LRRC4B: variants seen among roughly 807,000 people sequenced by gnomAD.
LRRC4B encodes leucine-rich repeat-containing protein 4B.
Under a neutral mutation model 7.3 loss-of-function variants are expected in LRRC4B, and 1 was observed. The ratio of observed to expected loss-of-function variants is 0.14; its 90% CI spans 0.05 to 0.65. The LOEUF (loss-of-function observed/expected upper bound fraction) is 0.65, where lower values mean the gene tolerates loss of function less well. Ranked by LOEUF, LRRC4B falls within the 30% of genes least tolerant of loss-of-function variation. The pLI is 0.84. For synonymous variants in LRRC4B, 500 were observed against 499.2 expected (o/e 1.00, Z -0.02); for missense variants, 730 against 1,041.6 (o/e 0.70, Z 4.12).
intron 2 of LRRC4B, among the ~76,000 whole-genome samples, chr19:50,545,534 T>A (rs1416806781): frequency 6.6e-6 from 1 of 151,736 alleles, no homozygotes; most frequent in Non-Finnish European, 1.5e-5. Context: ...GGAGCCATGA[T>A]AGTCCCACTG....
intron 2 of LRRC4B, among the ~76,000 whole-genome samples, chr19:50,539,787 T>C (rs1981461081): frequency 6.6e-6 from 1 of 150,822 alleles, no homozygotes; most frequent in Non-Finnish European, 1.5e-5. Flanking sequence ...CTCGGGAGGC[T>C]GAGGCAGGAG....
rs1017289719 is a variant in LRRC4B at position 50,556,717 on chromosome 19, G to A, written c.-35-7844C>T. Among the ~76,000 whole-genome samples the A allele has an allele frequency of 9.2e-5, 14 of 152,174 alleles. No homozygotes were observed. The highest frequency in any genetic ancestry group is 8.5e-4 in the Admixed American group (13 of 15,284). ...GCCGGCCAACGGCGCTGGCCCCTCCGAGCCTCAGTATTTGCTGCAGGAACG... is the reference window on the plus strand; with the variant it reads ...GCCGGCCAACGGCGCTGGCCCCTCCAAGCCTCAGTATTTGCTGCAGGAACG... On this transcript the variant is annotated intron_variant, in intron 1 of 2. Transcript: ENST00000652263. The surrounding 1 kb of genome is among the most constrained non-coding windows in gnomAD (Gnocchi z 4.2).
chr19:50,556,340 G>A lies in LRRC4B; in HGVS notation c.-35-7467C>T, dbSNP rs571638376. Among the ~76,000 whole-genome samples the A allele has an allele frequency of 1.3e-4, 20 of 151,956 alleles. No individual in the cohort carries two copies. The highest frequency in any genetic ancestry group is 2.6e-4 in the Non-Finnish European group (18 of 67,948). On this transcript the variant is annotated intron_variant, in intron 1 of 2. Transcript: ENST00000652263. This position sits in a 1 kb window ranked among gnomAD's most constrained non-coding sequence, Gnocchi z 4.2. ...GGGCTGTCCTTTCCCGTGCAGCCAC[G>A]CCGCTCTCCCCCAGGCTCCTCCCAC...
chr19:50,553,827 G>A lies in LRRC4B; in HGVS notation c.-35-4954C>T, dbSNP rs536969327. ...CGGATGGGTACGTTATCATCACTGT[G>A]AGTCTATTTCCCCCCACGCTCACAC... On this transcript the variant is annotated intron_variant, in intron 1 of 2. Coordinates refer to ENST00000652263, the MANE Select transcript of LRRC4B (RefSeq NM_001080457.2). This position sits in a 1 kb window ranked among gnomAD's most constrained non-coding sequence, Gnocchi z 4.2. Among the ~76,000 whole-genome samples, 9 of 151,862 alleles carry A rather than the reference G, an allele frequency of 5.9e-5. No homozygotes were observed. Among genetic ancestry groups the A allele is most frequent in the Admixed American group, 4.6e-4 (7 of 15,242 alleles).
intron 2 of LRRC4B, among the ~76,000 whole-genome samples, chr19:50,525,672 G>A (rs369882460): frequency 6.6e-6 from 1 of 150,976 alleles, no homozygotes; most frequent in East Asian, 1.9e-4. Context: ...TGCCCAACTC[G>A]GCCTCCCAAA....
intron 2 of LRRC4B, among the ~76,000 whole-genome samples, chr19:50,534,685 G>A (rs1230290956): frequency 6.6e-6 from 1 of 152,094 alleles, no homozygotes; most frequent in Admixed American, 6.6e-5. Flanking sequence ...CTGCAACTTG[G>A]CCTGTGTAGG....
intron 1 of LRRC4B, among the ~76,000 whole-genome samples, chr19:50,557,380 A>C (rs978064469): frequency 1.3e-5 from 2 of 152,170 alleles, no homozygotes; most frequent in African/African-American, 4.8e-5. Context: ...ACAGGGCAGC[A>C]GGGGAGCTGG....
At chr19:50,544,583 C>A (rs532869956) in intron 2 of LRRC4B, among the ~76,000 whole-genome samples, 57 of 151,924 alleles carry the variant, frequency 3.8e-4, no homozygotes, top group Non-Finnish European at 7.1e-4. Context: ...AAATCAGCAG[C>A]AATTGTGCAA....
Position 50,517,955 on chromosome 19 carries a change from C to T in LRRC4B, c.1758G>A (p.Thr586=), listed in dbSNP as rs1273073979. The change falls in exon 3 of 3, where the codon ACG becomes ACA. Residue 586 remains threonine, a synonymous_variant. Transcript: ENST00000652263. This position sits in a 1 kb window ranked among gnomAD's most constrained non-coding sequence, Gnocchi z 6.6. ...KIIIGCFVAI[T]FMAAVMLVAF... ...CCACGAGCATCACCGCGGCCATGAA[C>T]GTGATGGCCACGAAGCAGCCGATGA... 11 of 1,552,008 alleles carry T rather than the reference C, an allele frequency of 7.1e-6. No individual in the cohort carries two copies. The highest frequency in any genetic ancestry group is 9.5e-6 in the Non-Finnish European group (11 of 1,155,076).
intron 1 of LRRC4B, among the ~76,000 whole-genome samples, chr19:50,565,161 G>T (rs1370902196): frequency 6.6e-6 from 1 of 152,132 alleles, no homozygotes; most frequent in South Asian, 2.1e-4. Context: ...ACGTGCCTCC[G>T]ACGCTGGCAC....
chr19:50,546,322 G>A (rs1425113736), intron 2 of LRRC4B, among the ~76,000 whole-genome samples: 4 of 151,790 alleles, frequency 2.6e-5, no homozygotes, highest in African/African-American at 7.3e-5. Flanking sequence ...GAGACAGAGC[G>A]AGACTCTGTC....
chr19:50,535,750 G>T (rs779152557), intron 2 of LRRC4B, among the ~76,000 whole-genome samples: 2 of 152,166 alleles, frequency 1.3e-5, no homozygotes, highest in Non-Finnish European at 2.9e-5. Context: ...AGGCCTAGAC[G>T]TCCCTGTCTC....
In LRRC4B at chr19:50,517,274, G is replaced by A. The variant is rs556594531; in HGVS notation, c.*297C>T. The A allele has an allele frequency of 3.8e-6, 1 of 263,322 alleles. No individual in the cohort carries two copies. Among genetic ancestry groups the A allele is most frequent in the African/African-American group, 2.2e-5 (1 of 45,518 alleles). 16.3% of individuals were successfully genotyped at this position (263,322 alleles called of 1,614,324 possible). ...GGCGGGCCCGGAACGCTTGGTGGGA[G>A]AGCGAGGAGGAAACGCGGAGAACTC... On this transcript the variant is annotated 3_prime_UTR_variant, in exon 3 of 3. Transcript: ENST00000652263. The surrounding 1 kb of genome is among the most constrained non-coding windows in gnomAD (Gnocchi z 6.6).
At chr19:50,546,300 A>C (rs1018034258) in intron 2 of LRRC4B, among the ~76,000 whole-genome samples, 1 of 151,998 alleles carries the variant, frequency 6.6e-6, no homozygotes, top group Non-Finnish European at 1.5e-5. Flanking sequence ...GCGCCACTGC[A>C]CTCCAGCCTG....
Position 50,517,698 on chromosome 19 carries a change from G to A in LRRC4B, c.2015C>T (p.Ala672Val), listed in dbSNP as rs770871502. Residue 672 changes from alanine to valine, a missense_variant, in exon 3 of 3, where the codon GCG (alanine) becomes GTG (valine). This residue lies in a region of LRRC4B where 160 missense variants were observed against 163.9 expected (regional missense o/e 0.98). Transcript: ENST00000652263. The surrounding 1 kb of genome is among the most constrained non-coding windows in gnomAD (Gnocchi z 6.6). ...GCCGCTGGGGTTGCTGCTGTAGTGC[G>A]CCTTGAAGGCGGCAGCCACGTAGTG... Reference protein sequence around the residue: ...HHHYVAAAFKAHYSSNPSGGG... With the variant: ...HHHYVAAAFKVHYSSNPSGGG... The A allele has an allele frequency of 6.4e-7, 1 of 1,551,964 alleles. No homozygotes were observed. The highest frequency in any genetic ancestry group is 2.4e-5 in the East Asian group (1 of 41,788).
intron 2 of LRRC4B, among the ~76,000 whole-genome samples, chr19:50,544,249 G>A (rs1400301464): frequency 6.6e-6 from 1 of 152,064 alleles, no homozygotes; most frequent in African/African-American, 2.4e-5. Context: ...GCTCATGCCT[G>A]TAATCCCAGC....
chr19:50,530,155 G>A (rs534004717), intron 2 of LRRC4B, among the ~76,000 whole-genome samples: 7 of 152,074 alleles, frequency 4.6e-5, no homozygotes, highest in East Asian at 1.9e-4. Flanking sequence ...CCCTGGGCCC[G>A]CCGCAGCCTC....
chr19:50,538,961 C>T (rs1981424244), intron 2 of LRRC4B, among the ~76,000 whole-genome samples: 1 of 151,550 alleles, frequency 6.6e-6, no homozygotes, highest in South Asian at 2.1e-4. Flanking sequence ...GATCTCGGCT[C>T]ACTACCACCT....
intron 2 of LRRC4B, among the ~76,000 whole-genome samples, chr19:50,534,787 G>T (rs1255242519): frequency 6.6e-6 from 1 of 152,130 alleles, no homozygotes; most frequent in African/African-American, 2.4e-5. Flanking sequence ...AAAATAAATT[G>T]TGAAGAAATT....
Sources: gnomAD v4.1 joint callset for allele counts (sites outside exome capture counted in the v4.1 genomes callset) on GRCh38, gnomAD v4.1.1 for gene constraint, gnomAD v4.1.1 regional missense constraint, Gnocchi (gnomAD v3.1) non-coding constraint, MANE v1.5 for transcripts, NCBI Gene and HGNC (gene_info 2026-07-23, HGNC 2026-07-21) for gene names.